Variants in CLSTN2 observed in about 807,000 individuals in gnomAD.
The protein encoded by CLSTN2 is calsyntenin 2, also known as calsyntenin-2.
Under a neutral mutation model 101.2 loss-of-function variants are expected in CLSTN2, and 48 were observed. That is an observed-to-expected ratio of 0.47 (90% confidence interval 0.38 to 0.60). CLSTN2 has a LOEUF of 0.60. Among genes scored for constraint, CLSTN2 ranks in the 20% least tolerant of loss-of-function variants. The probability of loss-of-function intolerance (pLI) is 0.00; values close to 1 mark genes in which losing one functional copy is unlikely to be tolerated. For missense variants in CLSTN2, 1,160 were observed against 1,238.2 expected, an observed-to-expected ratio of 0.94 and a Z score of 0.95; for synonymous variants, 481 against 463.6, an observed-to-expected ratio of 1.04 and a Z score of -0.48.
chr3:140,439,735 G>T (rs1356650892), intron 5 of CLSTN2, among the ~76,000 whole-genome samples: 1 of 128,276 alleles, frequency 7.8e-6, no homozygotes, highest in African/African-American at 2.8e-5. Flanking sequence ...ACACACACAC[G>T]TGCACGTGCA....
chr3:140,573,785 C>G lies in CLSTN2; in HGVS notation c.*7532C>G, dbSNP rs1178520093. Reference sequence around the variant, plus strand: ...ACCCAGATTCTCTCCTGCTCACAGCCTCAGCAGTCTTTTCAGAGTCCTCCT... The same window carrying G: ...ACCCAGATTCTCTCCTGCTCACAGCGTCAGCAGTCTTTTCAGAGTCCTCCT... On this transcript the variant is annotated 3_prime_UTR_variant, in exon 17 of 17. Transcript: ENST00000458420. 1 of 152,286 alleles carries G rather than the reference C, an allele frequency of 6.6e-6. No individual in the cohort carries two copies. The highest frequency in any genetic ancestry group is 2.4e-5 in the African/African-American group (1 of 41,458). 9.4% of individuals were successfully genotyped at this position (152,286 alleles called of 1,614,324 possible).
intron 1 of CLSTN2, among the ~76,000 whole-genome samples, chr3:140,056,140 C>T (rs761688070): frequency 1.1e-4 from 17 of 152,162 alleles, no homozygotes; most frequent in Non-Finnish European, 2.4e-4. Context: ...GAAGTCATGT[C>T]AGGGAGGCAG....
intron 2 of CLSTN2, among the ~76,000 whole-genome samples, chr3:140,186,526 GA>G (rs2010487641): frequency 1.3e-5 from 2 of 152,138 alleles, no homozygotes; most frequent in Non-Finnish European, 2.9e-5. Context: ...TGAGATCACT[GA>G]ATACCTTGGC....
intron 2 of CLSTN2, among the ~76,000 whole-genome samples, chr3:140,195,025 T>G (rs749066203): frequency 6.6e-6 from 1 of 152,160 alleles, no homozygotes; most frequent in Non-Finnish European, 1.5e-5. Context: ...GGATGAAAGT[T>G]CTAGCTTCCT....
intron 1 of CLSTN2, among the ~76,000 whole-genome samples, chr3:140,044,772 C>A (rs2007835868): frequency 6.6e-6 from 1 of 152,150 alleles, no homozygotes; most frequent in Non-Finnish European, 1.5e-5. Context: ...GCCTTTTCTG[C>A]ATCTATTGAG....
chr3:140,476,744 C>T lies in CLSTN2; in HGVS notation c.1344+10013C>T, dbSNP rs551116917. Reference sequence around the variant, plus strand: ...CGTGATCTAGGCTCACTGCAAGCTCCGCCTCCTGGGTTCACACCATTCTCC... The same window carrying T: ...CGTGATCTAGGCTCACTGCAAGCTCTGCCTCCTGGGTTCACACCATTCTCC... On this transcript the variant is annotated intron_variant, in intron 8 of 16. Transcript: ENST00000458420. Among the ~76,000 whole-genome samples, 10 of 151,624 alleles carry T rather than the reference C, an allele frequency of 6.6e-5. No individual in the cohort carries two copies. In the South Asian group the frequency reaches 8.4e-4, roughly 13 times the overall value.
At chr3:140,560,693 C>G (rs1046986610) in intron 12 of CLSTN2, among the ~76,000 whole-genome samples, 4 of 152,150 alleles carry the variant, frequency 2.6e-5, no homozygotes, top group African/African-American at 7.2e-5. Context: ...AGATAATACC[C>G]ATGGTGAGAG....
At chr3:140,431,458 C>A (rs538555158) in intron 5 of CLSTN2, among the ~76,000 whole-genome samples, 4 of 152,278 alleles carry the variant, frequency 2.6e-5, no homozygotes, top group African/African-American at 9.6e-5. Context: ...TACCCATATA[C>A]CCTTCCATTC....
At chr3:140,202,681 C>A (rs2010732002) in intron 2 of CLSTN2, among the ~76,000 whole-genome samples, 1 of 152,040 alleles carries the variant, frequency 6.6e-6, no homozygotes, top group Non-Finnish European at 1.5e-5. Flanking sequence ...GGCCACGGGA[C>A]ATTCAGATGT....
chr3:140,039,794 TATAA>T (rs553226167), intron 1 of CLSTN2, among the ~76,000 whole-genome samples: 96 of 152,306 alleles, frequency 6.3e-4, no homozygotes, highest in African/African-American at 2.2e-3. Context: ...TGCATATGTG[TATAA>T]ATAGACATAG....
chr3:140,516,561 TC>T lies in CLSTN2; in HGVS notation c.1345-15762del, dbSNP rs769221406. On this transcript the variant is annotated intron_variant, in intron 8 of 16. Coordinates refer to ENST00000458420, the MANE Select transcript of CLSTN2 (RefSeq NM_022131.3). ...TGAATTCTTTTGGCATTTTTTTTTT[TC>T]TTTTTGTCTGAAAAAGACTGTATCT... Among the ~76,000 whole-genome samples the T allele has an allele frequency of 3.3e-3, 502 of 151,272 alleles. 2 individuals are homozygous for T. The highest frequency in any genetic ancestry group is 5.1e-3 in the Non-Finnish European group (346 of 67,582).
At chr3:140,208,849 G>T (rs2010818129) in intron 2 of CLSTN2, among the ~76,000 whole-genome samples, 1 of 152,104 alleles carries the variant, frequency 6.6e-6, no homozygotes, top group Admixed American at 6.6e-5. Context: ...GAGAATAAAG[G>T]GAGTCAGTAC....
At chr3:140,457,835 C>T (rs551506354) in intron 6 of CLSTN2, among the ~76,000 whole-genome samples, 5 of 152,150 alleles carry the variant, frequency 3.3e-5, no homozygotes, top group Admixed American at 1.3e-4. Flanking sequence ...TAAATGATGC[C>T]GTCAACTCTG....
chr3:140,218,932 A>G (rs988973742), intron 2 of CLSTN2, among the ~76,000 whole-genome samples: 1 of 152,150 alleles, frequency 6.6e-6, no homozygotes, highest in African/African-American at 2.4e-5. Flanking sequence ...GGGGAACGTA[A>G]CCTGAATGGA....
intron 1 of CLSTN2, among the ~76,000 whole-genome samples, chr3:140,109,345 G>C (rs1411734559): frequency 6.6e-6 from 1 of 152,172 alleles, no homozygotes; most frequent in Non-Finnish European, 1.5e-5. Context: ...GCTGCTCACA[G>C]TGTCTCTGCA....
intron 2 of CLSTN2, among the ~76,000 whole-genome samples, chr3:140,371,548 A>C (rs577359198): frequency 5.9e-5 from 9 of 152,226 alleles, no homozygotes; most frequent in South Asian, 4.2e-4. Flanking sequence ...CCAGTTGGCC[A>C]CCTGTGCCTG....
intron 2 of CLSTN2, among the ~76,000 whole-genome samples, chr3:140,184,926 A>G (rs564142528): frequency 6.6e-6 from 1 of 152,290 alleles, no homozygotes; most frequent in South Asian, 2.1e-4. Context: ...AAAACTCAGT[A>G]AGACTCCCAC....
At chr3:140,297,005 A>T (rs2087011434) in intron 2 of CLSTN2, among the ~76,000 whole-genome samples, 2 of 152,174 alleles carry the variant, frequency 1.3e-5, no homozygotes, top group African/African-American at 4.8e-5. Context: ...GGAGTGCTGA[A>T]CTTCAGGAGC....
intron 5 of CLSTN2, among the ~76,000 whole-genome samples, chr3:140,423,513 G>C (rs561165950): frequency 6.6e-6 from 1 of 152,142 alleles, no homozygotes; most frequent in Non-Finnish European, 1.5e-5. Context: ...TCATAGTGTC[G>C]GGCACAGTGA....
Sources: allele counts gnomAD v4.1 joint callset (sites outside exome capture counted in the v4.1 genomes callset), GRCh38; gene constraint gnomAD v4.1.1; transcripts MANE v1.5; gene names NCBI Gene and HGNC (gene_info 2026-07-23, HGNC 2026-07-21).